PDK1: variants seen among roughly 807,000 people sequenced by gnomAD.
The protein encoded by PDK1 is pyruvate dehydrogenase kinase 1.
In PDK1, 39 loss-of-function variants were observed where a neutral mutation model predicts 54.2. The ratio of observed to expected loss-of-function variants is 0.72; its 90% CI spans 0.56 to 0.94. The LOEUF (loss-of-function observed/expected upper bound fraction) is 0.94, where lower values mean the gene tolerates loss of function less well. PDK1 is among the 40% of genes least tolerant of loss of function. PDK1 has a pLI of 0.00. For synonymous variants in PDK1, 221 were observed against 207.1 expected, an observed-to-expected ratio of 1.07 and a Z score of -0.58; for missense variants, 552 against 566.0, an observed-to-expected ratio of 0.98 and a Z score of 0.25.
the PDK1 span, among the ~76,000 whole-genome samples, chr2:172,647,604 AAAAT>A: frequency 6.6e-6 from 1 of 152,222 alleles, no homozygotes; most frequent in Non-Finnish European, 1.5e-5. Context: ...GAATGAGTAA[AAAAT>A]AAAGGAAGGA....
At chr2:172,582,671 G>A (rs575181875) in intron 8 of PDK1, among the ~76,000 whole-genome samples, 1 of 152,070 alleles carries the variant, frequency 6.6e-6, no homozygotes, top group African/African-American at 2.4e-5. Flanking sequence ...CTAAATATCT[G>A]TCTCTCCATT....
chr2:172,661,664 A>G, the PDK1 span, among the ~76,000 whole-genome samples: 1 of 152,250 alleles, frequency 6.6e-6, no homozygotes, highest in African/African-American at 2.4e-5. Context: ...AGCAACATGG[A>G]TGCAGCTGGA....
At chr2:172,685,466 G>A in the PDK1 span, among the ~76,000 whole-genome samples, 1 of 152,198 alleles carries the variant, frequency 6.6e-6, no homozygotes, top group Admixed American at 6.5e-5. Flanking sequence ...TGCTGAATGA[G>A]TGAATAAACC....
At chr2:172,566,656 GA>G (rs1194705394) in intron 5 of PDK1, among the ~76,000 whole-genome samples, 199 bp from the exon 6 acceptor site, 1 of 129,442 alleles carries the variant, frequency 7.7e-6, no homozygotes, top group Non-Finnish European at 1.6e-5. Context: ...GGGAGTTGGA[GA>G]CAAACCTGAG....
chr2:172,643,604 A>T, the PDK1 span, among the ~76,000 whole-genome samples: 1 of 152,026 alleles, frequency 6.6e-6, no homozygotes, highest in East Asian at 1.9e-4. Flanking sequence ...CAGTGTGTGC[A>T]CCCCTAGACT....
the PDK1 span, among the ~76,000 whole-genome samples, chr2:172,617,320 T>A: frequency 6.6e-6 from 1 of 152,116 alleles, no homozygotes; most frequent in Admixed American, 6.5e-5. Flanking sequence ...AATGTTTTAT[T>A]AAAGAGATAA....
At chr2:172,686,851 C>T in the PDK1 span, among the ~76,000 whole-genome samples, 2 of 152,190 alleles carry the variant, frequency 1.3e-5, no homozygotes, top group Non-Finnish European at 1.5e-5. Flanking sequence ...ATATATCTAC[C>T]TATCTGCTAT....
intron 8 of PDK1, among the ~76,000 whole-genome samples, chr2:172,577,557 A>C (rs1054948976): frequency 6.6e-5 from 10 of 152,024 alleles, no homozygotes; most frequent in African/African-American, 2.4e-4. Flanking sequence ...ATTTTGTATT[A>C]TATCATTTTA....
At chr2:172,621,846 G>T in the PDK1 span, among the ~76,000 whole-genome samples, 3 of 117,044 alleles carry the variant, frequency 2.6e-5, no homozygotes, top group South Asian at 2.9e-4. Context: ...TCATATGTAT[G>T]ATACATGTTT....
the PDK1 span, among the ~76,000 whole-genome samples, chr2:172,672,638 C>G: frequency 0.34 from 52,045 of 150,980 alleles, 10,563 homozygotes; most frequent in East Asian, 0.78. Context: ...TTTTAAAAAA[C>G]AAGATGCTTT....
At chr2:172,614,575 C>T in the PDK1 span, among the ~76,000 whole-genome samples, 7 of 152,184 alleles carry the variant, frequency 4.6e-5, no homozygotes, top group African/African-American at 1.7e-4. Context: ...GACCTGCAGA[C>T]ATCTGAATGA....
intron 5 of PDK1, among the ~76,000 whole-genome samples, chr2:172,565,436 C>T (rs1466209703): frequency 6.6e-6 from 1 of 151,980 alleles, no homozygotes; most frequent in East Asian, 1.9e-4. Flanking sequence ...CCCCAGTAGC[C>T]GGGATTACAG....
At chr2:172,624,473 A>T in the PDK1 span, among the ~76,000 whole-genome samples, 1 of 152,176 alleles carries the variant, frequency 6.6e-6, no homozygotes, top group Non-Finnish European at 1.5e-5. Context: ...CCTTAGGAAA[A>T]TCTAATGCCT....
chr2:172,591,347 A>G (rs956815461), intron 9 of PDK1, among the ~76,000 whole-genome samples: 2 of 152,166 alleles, frequency 1.3e-5, no homozygotes, highest in South Asian at 2.1e-4. Flanking sequence ...GCGGCATCTC[A>G]TACTATCCCT....
intron 5 of PDK1, among the ~76,000 whole-genome samples, chr2:172,565,583 GA>G (rs34240384): frequency 0.16 from 24,798 of 152,086 alleles, 2,347 homozygotes; most frequent in African/African-American, 0.24. Context: ...TTACAGGCGT[GA>G]GCCACCGAGC....
intron 10 of PDK1, among the ~76,000 whole-genome samples, chr2:172,594,281 T>C (rs1690773208): frequency 6.6e-6 from 1 of 152,168 alleles, no homozygotes; most frequent in Non-Finnish European, 1.5e-5. Flanking sequence ...TGCCTTGGCC[T>C]CCCAAAGTGC....
rs965201527 is a variant in PDK1, at chr2:172,602,037, C to T, written c.*6068C>T. 1.3e-5 allele frequency: 2 copies of T among 152,082 alleles called. No individual in the cohort carries two copies. The highest frequency in any genetic ancestry group is 2.9e-5 in the Non-Finnish European group (2 of 68,018). 9.4% of individuals were successfully genotyped at this position (152,082 alleles called of 1,614,324 possible). A position where few individuals can be genotyped will look rare whatever the true frequency, so the allele number is the denominator to read the frequency against. ...GGAATCAGTAATCACAAGTCCACCT[C>T]GCCAAAAGACAATTTTTGAAAGATG... is the stretch of plus-strand genomic sequence containing the variant. On this transcript the variant is annotated 3_prime_UTR_variant, in exon 11 of 11. Transcript: ENST00000282077.
chr2:172,700,456 C>T, the PDK1 span, among the ~76,000 whole-genome samples: 2 of 150,898 alleles, frequency 1.3e-5, no homozygotes, highest in Admixed American at 6.6e-5. Flanking sequence ...GGCGGCAGGG[C>T]AGAGACGCTC....
chr2:172,577,867 A>G (rs188028490), intron 8 of PDK1, among the ~76,000 whole-genome samples: 25 of 152,328 alleles, frequency 1.6e-4, no homozygotes, highest in African/African-American at 5.8e-4. Flanking sequence ...CAAACAAAAA[A>G]TATACTCATA....
Sources: allele counts gnomAD v4.1 joint callset (sites outside exome capture counted in the v4.1 genomes callset), GRCh38; gene constraint gnomAD v4.1.1; transcripts MANE v1.5; gene names NCBI Gene and HGNC (gene_info 2026-07-23, HGNC 2026-07-21).